Variants in DPP3 observed in about 807,000 individuals in gnomAD.
DPP3 encodes the protein dipeptidyl peptidase 3.
In DPP3, 64 loss-of-function variants were observed where a neutral mutation model predicts 89.8. The ratio of observed to expected loss-of-function variants is 0.71; its 90% CI spans 0.58 to 0.88. DPP3 has a LOEUF of 0.88. Among genes scored for constraint, DPP3 ranks in the 40% least tolerant of loss-of-function variants. The pLI, the probability that DPP3 is intolerant of heterozygous loss-of-function variation, is 0.00. For missense variants in DPP3, 835 were observed against 972.5 expected (o/e 0.86, Z 1.88); for synonymous variants, 377 against 404.3 (o/e 0.93, Z 0.81).
chr11:66,491,735 G>T lies in DPP3; in HGVS notation c.967G>T (p.Gly323Cys), dbSNP rs1855399243. Residue 323 changes from glycine to cysteine, a missense_variant, in exon 9 of 18, where the codon GGT becomes TGT. Transcript: ENST00000531863. ...CATCGAGAGCTACCGCGACCCCTTT[G>T]GTTCCCGAGGAGAATTTGAAGGTAA... ...GFIESYRDPF[G>C]SRGEFEGFVA... 2 of 1,610,974 alleles carry T rather than the reference G, an allele frequency of 1.2e-6. No individual in the cohort carries two copies. Among genetic ancestry groups the T allele is most frequent in the Non-Finnish European group, 1.7e-6 (2 of 1,179,624 alleles).
chr11:66,482,093 TG>T, intron 1 of DPP3, 99 bp from the exon 2 acceptor site: 1 of 1,482,998 alleles, frequency 6.7e-7, no homozygotes, highest in Non-Finnish European at 9.1e-7. Flanking sequence ...CCCTTCCACA[TG>T]GGCTTTTGGG....
chr11:66,504,528 C>A, intron 16 of DPP3, 84 bp from the exon 17 acceptor site: 1 of 1,477,274 alleles, frequency 6.8e-7, no homozygotes, highest in African/African-American at 1.4e-5. Context: ...CCAGGGCTGA[C>A]CACAATCAGC....
At chr11:66,507,692 T>TC (rs1196783917) in intron 17 of DPP3, among the ~76,000 whole-genome samples, 1 of 150,926 alleles carries the variant, frequency 6.6e-6, no homozygotes, top group Non-Finnish European at 1.5e-5. Flanking sequence ...AAAAAGTTTT[T>TC]TTTTTTTTTT....
chr11:66,480,648 C>T (rs1373137442), intron 1 of DPP3, 183 bp downstream of exon 1: 5 of 616,812 alleles, frequency 8.1e-6, no homozygotes, highest in Non-Finnish European at 1.2e-5. Context: ...CTTTCCGAAC[C>T]TCGAGGCTGT....
chr11:66,485,298 G>C (rs1431928965), intron 3 of DPP3, 36 bp downstream of exon 3: 1 of 1,593,120 alleles, frequency 6.3e-7, no homozygotes, highest in Non-Finnish European at 8.6e-7. Context: ...GTGGGGATGG[G>C]GGGCTGGTGG....
rs1855880225 is a variant in DPP3 at position 66,509,146 on chromosome 11, T to C, written c.2109T>C (p.Arg703=). 3 of 1,614,178 alleles carry C rather than the reference T, an allele frequency of 1.9e-6. No homozygotes were observed. The East Asian group carries it at 6.7e-5, about 36-fold the overall frequency. ...AAGLIRSFSE[R]FPEDGPELEE... is the part of the protein sequence containing the mutation. ...GCCTCATCCGATCCTTCTCTGAGCG[T>C]TTCCCAGAGGATGGACCCGAGTTGG... The change falls in exon 18 of 18, where the codon CGT becomes CGC. Residue 703 remains arginine, a synonymous_variant. Transcript: ENST00000531863.
intron 2 of DPP3, 94 bp downstream of exon 2, chr11:66,482,564 A>C: frequency 6.6e-7 from 1 of 1,525,110 alleles, no homozygotes; most frequent in Admixed American, 1.8e-5. Context: ...GGGTAGGTGG[A>C]GGATTAGACC....
At chr11:66,508,854 G>C (rs973719079) in intron 17 of DPP3, among the ~76,000 whole-genome samples, 1 of 152,116 alleles carries the variant, frequency 6.6e-6, no homozygotes, top group Non-Finnish European at 1.5e-5. Context: ...CTGAATGAAC[G>C]AAAGCAGCAA....
chr11:66,482,045 C>T lies in DPP3; in HGVS notation c.-8-148C>T, dbSNP rs1855097623. The T allele has an allele frequency of 1.2e-5, 14 of 1,193,486 alleles. No homozygotes were observed. In the South Asian group the frequency reaches 2.0e-4, roughly 17 times the overall value. The allele number at this position is 1,193,486 out of a possible 1,614,324, so 73.9% of individuals were successfully genotyped here. On this transcript the variant is annotated intron_variant, in intron 1 of 17. Transcript: ENST00000531863. ...GTGAGTCATCTCACCTTCTCTAAGC[C>T]TCAGTTAGCATATCTGGTGAATGGG...
At chr11:66,487,063 C>T (rs1490015303) in intron 4 of DPP3, among the ~76,000 whole-genome samples, 2 of 152,052 alleles carry the variant, frequency 1.3e-5, no homozygotes, top group Non-Finnish European at 2.9e-5. Context: ...GTGGGCCAGC[C>T]AGAGAGAGGC....
intron 2 of DPP3, among the ~76,000 whole-genome samples, chr11:66,482,788 G>A (rs1303113335): frequency 6.6e-6 from 1 of 152,238 alleles, no homozygotes; most frequent in Non-Finnish European, 1.5e-5. Context: ...GTAGGTATCA[G>A]GAGGTCTGAG....
Position 66,497,284 on chromosome 11 carries a change from C to T in DPP3, c.1699-14C>T, listed in dbSNP as rs1030559601. On this transcript the variant is annotated splice_polypyrimidine_tract_variant and intron_variant, in intron 15 of 17. Transcript: ENST00000531863. ...ATACGGGCTACAAATGCTGTCTTTC[C>T]CCTGCTCCGGCAGGCCCATATGCAG... The T allele has an allele frequency of 3.1e-6, 5 of 1,610,990 alleles. No homozygotes were observed. The highest frequency in any genetic ancestry group is 1.7e-6 in the Non-Finnish European group (2 of 1,178,818).
In DPP3 at chr11:66,480,641, T is replaced by C. The variant is rs952517552; in HGVS notation, c.-9+176T>C. 4.5e-6 allele frequency: 3 copies of C among 662,904 alleles called. No individual in the cohort carries two copies. The Admixed American group carries it at 1.3e-4, about 29-fold the overall frequency. The allele number at this position is 662,904 out of a possible 1,614,324, so 41.1% of individuals were successfully genotyped here. A position where few individuals can be genotyped will look rare whatever the true frequency, so the allele number is the denominator to read the frequency against. ...GGGGAGCAAAGAGTTAACAGCCCTT[T>C]CCGAACCTCGAGGCTGTGCTATTGG... On this transcript the variant is annotated intron_variant, in intron 1 of 17. Transcript: ENST00000531863.
At chr11:66,497,181 T>A in intron 15 of DPP3, 117 bp from the exon 16 acceptor site, 1 of 1,323,944 alleles carries the variant, frequency 7.6e-7, no homozygotes, top group Non-Finnish European at 1.0e-6. Flanking sequence ...CAGTTGCCAG[T>A]TAATGGGCAA....
At chr11:66,499,993 T>G (rs1272582404) in intron 16 of DPP3, among the ~76,000 whole-genome samples, 3 of 152,102 alleles carry the variant, frequency 2.0e-5, no homozygotes, top group Non-Finnish European at 4.4e-5. Context: ...TACATGGTCT[T>G]GGAACATATA....
chr11:66,495,295 G>A (rs1202787525), intron 13 of DPP3, 27 bp downstream of exon 13: 1 of 1,613,730 alleles, frequency 6.2e-7, no homozygotes, highest in Non-Finnish European at 8.5e-7. Context: ...CAGAGCCCCA[G>A]GGTACTGGGA....
intron 16 of DPP3, among the ~76,000 whole-genome samples, chr11:66,502,529 G>A (rs997391550): frequency 2.0e-5 from 3 of 151,766 alleles, no homozygotes; most frequent in Admixed American, 2.0e-4. Flanking sequence ...GAGTGCAGTG[G>A]CGTGATCTCA....
chr11:66,486,550 A>G lies in DPP3; in HGVS notation c.371A>G (p.Glu124Gly). The G allele has an allele frequency of 1.3e-6, 2 of 1,516,622 alleles. No homozygotes were observed. The highest frequency in any genetic ancestry group is 1.8e-6 in the Non-Finnish European group (2 of 1,131,698). 93.9% of individuals were successfully genotyped at this position (1,516,622 alleles called of 1,614,324 possible). The change falls in exon 4 of 18, where the codon GAA becomes GGA. Residue 124 changes from glutamate to glycine, a missense_variant. Transcript: ENST00000531863. ...TCCCTTTCCTTGCAGGAAAAGCTGGAACGGGTGATCCTAGGGAGTGAGGCT... is the reference window on the plus strand; with the variant it reads ...TCCCTTTCCTTGCAGGAAAAGCTGGGACGGGTGATCCTAGGGAGTGAGGCT... ...FVPNLPKEKL[E>G]RVILGSEAAQ...
At chr11:66,498,886 G>A (rs1855609381) in intron 16 of DPP3, among the ~76,000 whole-genome samples, 2 of 152,134 alleles carry the variant, frequency 1.3e-5, no homozygotes, top group African/African-American at 2.4e-5. Context: ...GGTGATGCAC[G>A]CCTGTGGTCG....
Sources: gnomAD v4.1 joint callset for allele counts (sites outside exome capture counted in the v4.1 genomes callset) on GRCh38, gnomAD v4.1.1 for gene constraint, MANE v1.5 for transcripts, NCBI Gene and HGNC (gene_info 2026-07-23, HGNC 2026-07-21) for gene names.